Variants in RBBP4 observed in about 807,000 individuals in gnomAD.
The protein encoded by RBBP4 is histone-binding protein RBBP4.
Under a neutral mutation model 57.2 loss-of-function variants are expected in RBBP4, and 3 were observed. The ratio of observed to expected loss-of-function variants is 0.05; its 90% CI spans 0.02 to 0.14. The LOEUF (loss-of-function observed/expected upper bound fraction) is 0.14, where lower values mean the gene tolerates loss of function less well. Ranked by LOEUF, RBBP4 falls within the 10% of genes least tolerant of loss-of-function variation. RBBP4 has a pLI of 1.00. For synonymous variants in RBBP4, 151 were observed against 171.5 expected (o/e 0.88, Z 0.93); for missense variants, 107 against 520.6 (o/e 0.21, Z 7.73).
At chr1:32,658,283 G>A (rs879634124) in intron 3 of RBBP4, among the ~76,000 whole-genome samples, 1 of 151,198 alleles carries the variant, frequency 6.6e-6, no homozygotes, top group African/African-American at 2.4e-5. Context: ...AGAGGACATA[G>A]GATATCTATG....
chr1:32,653,651 TTTTTTTTTGTTTTTG>T (rs1648001115), intron 2 of RBBP4, among the ~76,000 whole-genome samples: 3 of 37,782 alleles, frequency 7.9e-5, no homozygotes, highest in East Asian at 6.4e-4. Flanking sequence ...TTTTTTTTTT[TTTTTTTTTGTTTTTG>T]TTTTTTTTTT....
chr1:32,675,232 C>G (rs1649049006), intron 11 of RBBP4, among the ~76,000 whole-genome samples: 1 of 151,586 alleles, frequency 6.6e-6, no homozygotes, highest in Non-Finnish European at 1.5e-5. Flanking sequence ...GACTGGGTTT[C>G]TCCATGTTGG....
At chr1:32,659,107 AATAT>A (rs1044370829) in intron 3 of RBBP4, among the ~76,000 whole-genome samples, 1 of 145,760 alleles carries the variant, frequency 6.9e-6, no homozygotes, top group African/African-American at 2.5e-5. Flanking sequence ...TATTGTGTGT[AATAT>A]ATATAATTTA....
chr1:32,667,414 C>A (rs1648700950), intron 3 of RBBP4, among the ~76,000 whole-genome samples: 1 of 152,164 alleles, frequency 6.6e-6, no homozygotes, highest in South Asian at 2.1e-4. Flanking sequence ...ACTTGCTTGA[C>A]CTTATCAATC....
intron 11 of RBBP4, 56 bp downstream of exon 11, chr1:32,672,957 T>C: frequency 7.4e-7 from 1 of 1,348,666 alleles, no homozygotes; most frequent in Non-Finnish European, 1.1e-6. Context: ...ATAGAATCAA[T>C]TTACATTTGT....
intron 3 of RBBP4, among the ~76,000 whole-genome samples, chr1:32,663,571 G>A (rs1457016556): frequency 9.3e-6 from 1 of 107,584 alleles, no homozygotes; most frequent in Non-Finnish European, 2.0e-5. Context: ...ACCACAGTCA[G>A]CCCCTGAAAT....
chr1:32,674,731 ATT>A, intron 11 of RBBP4, among the ~76,000 whole-genome samples: 1 of 143,658 alleles, frequency 7.0e-6, no homozygotes, highest in African/African-American at 2.5e-5. Context: ...TTTTTTTTTA[ATT>A]TTTTTTTTTT....
At chr1:32,661,767 G>A (rs1009299018) in intron 3 of RBBP4, among the ~76,000 whole-genome samples, 1 of 138,576 alleles carries the variant, frequency 7.2e-6, no homozygotes, top group Non-Finnish European at 1.5e-5. Flanking sequence ...TATCTGTTTT[G>A]ATTTGCATTT....
At chr1:32,664,087 C>T (rs1281409251) in intron 3 of RBBP4, among the ~76,000 whole-genome samples, 10 of 151,932 alleles carry the variant, frequency 6.6e-5, no homozygotes, top group East Asian at 1.9e-4. Context: ...CCACCACGCC[C>T]GGCTAATTTT....
intron 8 of RBBP4, among the ~76,000 whole-genome samples, chr1:32,670,316 T>C (rs1240272080): frequency 1.3e-5 from 2 of 152,254 alleles, no homozygotes; most frequent in Non-Finnish European, 2.9e-5. Flanking sequence ...TGTGTTGATT[T>C]CTCAACCCAA....
In RBBP4 at chr1:32,679,716, AC is replaced by A; in HGVS notation, c.*12del. ...GGACAAGGGTCCTAGATATGTCTTT[AC>A]TTGTTGTGATTTTAGACTCCCCTTT... On this transcript the variant is annotated 3_prime_UTR_variant, in exon 12 of 12. Transcript: ENST00000373493. The A allele has an allele frequency of 6.2e-7, 1 of 1,612,704 alleles. No homozygotes were observed. Among genetic ancestry groups the A allele is most frequent in the Non-Finnish European group, 8.5e-7 (1 of 1,179,382 alleles).
chr1:32,672,781 C>G lies in RBBP4; in HGVS notation c.1102-10C>G. The G allele has an allele frequency of 1.2e-6, 2 of 1,609,798 alleles. No homozygotes were observed. Among genetic ancestry groups the G allele is most frequent in the Non-Finnish European group, 1.7e-6 (2 of 1,176,188 alleles). ...TGCATTTCACCTCTTTGTTTTCTTC[C>G]CTCTTTCAGTTTATTCATGGTGGTC... On this transcript the variant is annotated splice_polypyrimidine_tract_variant and intron_variant, in intron 10 of 11. Transcript: ENST00000373493.
At chr1:32,673,595 G>A in intron 11 of RBBP4, 1 of 287,884 alleles carries the variant, frequency 3.5e-6, no homozygotes. Context: ...GTACCACCAT[G>A]CCTGGCTAAT....
intron 8 of RBBP4, among the ~76,000 whole-genome samples, chr1:32,670,729 C>T (rs545322472): frequency 3.7e-4 from 56 of 152,238 alleles, no homozygotes; most frequent in Non-Finnish European, 6.9e-4. Flanking sequence ...TAAGCCACCA[C>T]GCCCAGCCGA....
chr1:32,670,077 C>A (rs1163163914), intron 8 of RBBP4, among the ~76,000 whole-genome samples: 1 of 152,068 alleles, frequency 6.6e-6, no homozygotes, highest in Non-Finnish European at 1.5e-5. Flanking sequence ...GAAAACTAGG[C>A]CAGGTATGGT....
chr1:32,680,944 G>A lies in RBBP4; in HGVS notation c.*1239G>A, dbSNP rs754247652. 1.7e-5 allele frequency: 3 copies of A among 173,870 alleles called. No individual in the cohort carries two copies. The highest frequency in any genetic ancestry group is 3.6e-5 in the Non-Finnish European group (3 of 82,472). The allele number at this position is 173,870 out of a possible 1,614,324, so 10.8% of individuals were successfully genotyped here. ...GACTTCCAAGAGTGTCAAAGGCAGT[G>A]TGGTAGAGAGAATTTAAGGCAAGAT... On this transcript the variant is annotated 3_prime_UTR_variant, in exon 12 of 12. Transcript: ENST00000373493.
rs190886648 is a variant in RBBP4 at position 32,657,520 on chromosome 1, C to T, written c.258C>T (p.Leu86=). 2 of 1,614,064 alleles carry T rather than the reference C, an allele frequency of 1.2e-6. No homozygotes were observed. Among genetic ancestry groups the T allele is most frequent in the African/African-American group, 2.7e-5 (2 of 75,030 alleles). Residue 86 remains leucine, a synonymous_variant, in exon 3 of 12, where the codon CTC becomes CTT. Transcript: ENST00000373493. Reference sequence around the variant, plus strand: ...ATCTTGTTATAGCCAGTGTGCAGCTCCCTAATGATGATGCTCAGTTTGATG... The same window carrying T: ...ATCTTGTTATAGCCAGTGTGCAGCTTCCTAATGATGATGCTCAGTTTGATG... ...QNHLVIASVQ[L]PNDDAQFDAS...
chr1:32,674,407 A>T (rs1216415124), intron 11 of RBBP4, among the ~76,000 whole-genome samples: 1 of 151,914 alleles, frequency 6.6e-6, no homozygotes, highest in Non-Finnish European at 1.5e-5. Flanking sequence ...TTAATTTTTA[A>T]AATTTTTTGT....
rs192547563 is a variant in RBBP4, at chr1:32,662,180, G to A, written c.310+4608G>A. 849 of 314,768 alleles carry A rather than the reference G, an allele frequency of 2.7e-3. 5 individuals are homozygous for A. The highest frequency in any genetic ancestry group is 4.3e-3 in the Non-Finnish European group (665 of 153,870). The allele number at this position is 314,768 out of a possible 1,614,324, so 19.5% of individuals were successfully genotyped here. A position where few individuals can be genotyped will look rare whatever the true frequency, so the allele number is the denominator to read the frequency against. Reference sequence around the variant, plus strand: ...ATTACAGGCTTGAGCCACCGCGCCCGGGTTTTTTTGTTTTTTTGGGGTTTT... The same window carrying A: ...ATTACAGGCTTGAGCCACCGCGCCCAGGTTTTTTTGTTTTTTTGGGGTTTT... On this transcript the variant is annotated intron_variant, in intron 3 of 11. Coordinates refer to ENST00000373493, the MANE Select transcript of RBBP4 (RefSeq NM_005610.3).
Sources: gnomAD v4.1 joint callset for allele counts (sites outside exome capture counted in the v4.1 genomes callset) on GRCh38, gnomAD v4.1.1 for gene constraint, MANE v1.5 for transcripts, NCBI Gene and HGNC (gene_info 2026-07-23, HGNC 2026-07-21) for gene names.